AGO1: variants seen among roughly 807,000 people sequenced by gnomAD.
AGO1 encodes the protein argonaute RISC component 1, also known as protein argonaute-1.
A neutral mutation model predicts 109.2 loss-of-function variants in AGO1; 11 were observed. The ratio of observed to expected loss-of-function variants is 0.10; its 90% CI spans 0.06 to 0.17. The LOEUF (loss-of-function observed/expected upper bound fraction) is 0.17, where lower values mean the gene tolerates loss of function less well. AGO1 is among the 10% of genes least tolerant of loss of function. The pLI is 1.00. For synonymous variants in AGO1, 422 were observed against 418.6 expected (o/e 1.01, Z -0.10); for missense variants, 574 against 1,140.3 (o/e 0.50, Z 7.15).
At chr1:35,878,892 G>A (rs2148704428), upstream of AGO1, among the ~76,000 whole-genome samples, 1 of 150,574 alleles carries the variant, frequency 6.6e-6, no homozygotes, top group South Asian at 2.1e-4. Context: ...TTTTTCCTCA[G>A]TTGTTTTTTT....
chr1:35,876,990 A>G (rs974030897), intron 1 of AGO1, among the ~76,000 whole-genome samples: 2 of 152,092 alleles, frequency 1.3e-5, no homozygotes, highest in African/African-American at 2.4e-5. Context: ...ATCTTACTCT[A>G]TTGCCTGTGC....
At chr1:35,915,887 G>C (rs1036439083) in intron 15 of AGO1, among the ~76,000 whole-genome samples, 7 of 152,232 alleles carry the variant, frequency 4.6e-5, no homozygotes, top group African/African-American at 1.7e-4. Context: ...TTCTGATTCA[G>C]TGAGTCTTGG....
chr1:35,899,674 T>C (rs1275227533), intron 8 of AGO1, among the ~76,000 whole-genome samples: 1 of 152,262 alleles, frequency 6.6e-6, no homozygotes, highest in Non-Finnish European at 1.5e-5. Flanking sequence ...CTCTGGAATA[T>C]GGAGTTTGAA....
chr1:35,888,120 G>A lies in AGO1; in HGVS notation c.26-307G>A, dbSNP rs1264185778. ...TCTACTAGAAGAAAGAAAGGGTTTT[G>A]TTACTAGGAGCCAGATTTAGTCTCT... On this transcript the variant is annotated intron_variant, in intron 1 of 18. Transcript: ENST00000373204. This position sits in a 1 kb window ranked among gnomAD's most constrained non-coding sequence, Gnocchi z 4.1. 1.3e-5 allele frequency among the ~76,000 whole-genome samples: 2 copies of A among 152,186 alleles called. No homozygotes were observed. The highest frequency in any genetic ancestry group is 2.4e-5 in the African/African-American group (1 of 41,444).
chr1:35,916,598 C>T (rs1253998341), intron 15 of AGO1, among the ~76,000 whole-genome samples: 1 of 152,182 alleles, frequency 6.6e-6, no homozygotes, highest in Non-Finnish European at 1.5e-5. Flanking sequence ...AAACTCCTGA[C>T]CTCAAATGAT....
intron 7 of AGO1, 57 bp from the exon 8 acceptor site, chr1:35,895,065 A>G: frequency 1.3e-6 from 2 of 1,546,020 alleles, no homozygotes; most frequent in Non-Finnish European, 1.7e-6. Context: ...GTGGGTCTAG[A>G]GAAGTGGGAC....
intron 12 of AGO1, among the ~76,000 whole-genome samples, chr1:35,911,342 A>G (rs2148721431): frequency 6.6e-6 from 1 of 152,340 alleles, no homozygotes; most frequent in Middle Eastern, 3.4e-3. Flanking sequence ...ATTCATATTT[A>G]GAATTAATTT....
rs1473618416 is a variant in AGO1 at position 35,901,604 on chromosome 1, C to T, written c.1140+11C>T. On this transcript the variant is annotated intron_variant, in intron 9 of 18. Transcript: ENST00000373204. This position sits in a 1 kb window ranked among gnomAD's most constrained non-coding sequence, Gnocchi z 4.8. ...GAGATCAGTCGCCTGGTCAGTGGGC[C>T]TACTCATTTGCTCAGTCATTGGGGC... 1 of 1,613,960 alleles carries T rather than the reference C, an allele frequency of 6.2e-7. No homozygotes were observed. Among genetic ancestry groups the T allele is most frequent in the African/African-American group, 1.3e-5 (1 of 74,924 alleles).
rs116344388 is a variant in AGO1, at chr1:35,916,882, A to G, written c.2029-711A>G. On this transcript the variant is annotated intron_variant, in intron 15 of 18. Coordinates refer to ENST00000373204, the MANE Select transcript of AGO1 (RefSeq NM_012199.5). ...AGTCTTCTTAATAGCTTTGTGAAGC[A>G]GGTCTTAGTAACATTAACAGACGTG... Among the ~76,000 whole-genome samples, 1,363 of 152,360 alleles carry G rather than the reference A, an allele frequency of 8.9e-3. 19 individuals carry two copies. Among genetic ancestry groups the G allele is most frequent in the African/African-American group, 0.03 (1,252 of 41,586 alleles).
chr1:35,881,665 T>G (rs1358013202), upstream of AGO1, among the ~76,000 whole-genome samples: 1 of 152,232 alleles, frequency 6.6e-6, no homozygotes, highest in East Asian at 1.9e-4. Context: ...TTCTGATGGT[T>G]GCTGTTTGAG....
At position 35,888,370 on chromosome 1, in the gene AGO1, A is replaced by T. The variant is rs569346330; in HGVS notation, c.26-57A>T. On this transcript the variant is annotated intron_variant, in intron 1 of 18. Coordinates refer to ENST00000373204, the MANE Select transcript of AGO1 (RefSeq NM_012199.5). The surrounding 1 kb of genome is among the most constrained non-coding windows in gnomAD (Gnocchi z 4.1). Reference sequence around the variant, plus strand: ...TCTGGGAGGCCTTGTTCCTCCTCTGATAAGAGTAGTTAGGAGATTGCCAGA... The same window carrying T: ...TCTGGGAGGCCTTGTTCCTCCTCTGTTAAGAGTAGTTAGGAGATTGCCAGA... The T allele has an allele frequency of 2.5e-6, 4 of 1,573,924 alleles. No individual in the cohort carries two copies. Among genetic ancestry groups the T allele is most frequent in the Admixed American group, 1.7e-5 (1 of 58,140 alleles).
upstream of AGO1, among the ~76,000 whole-genome samples, chr1:35,879,527 G>A (rs1254634238): frequency 1.3e-5 from 2 of 151,824 alleles, no homozygotes; most frequent in African/African-American, 4.8e-5. Context: ...GGAGGCCGAG[G>A]TGGGCGGATC....
chr1:35,918,914 T>C, intron 17 of AGO1, 141 bp from the exon 18 acceptor site: 2 of 763,330 alleles, frequency 2.6e-6, no homozygotes, highest in South Asian at 1.7e-5. Flanking sequence ...AGAAGAGTGC[T>C]TTATGACATT....
chr1:35,892,462 T>C, intron 2 of AGO1, 95 bp from the exon 3 acceptor site: 1 of 1,531,922 alleles, frequency 6.5e-7, no homozygotes, highest in Non-Finnish European at 9.0e-7. Flanking sequence ...GGAGTGAGTA[T>C]AATAGATGGG....
At chr1:35,912,388 G>T (rs1252186131) in intron 12 of AGO1, among the ~76,000 whole-genome samples, 4 of 143,900 alleles carry the variant, frequency 2.8e-5, no homozygotes, top group African/African-American at 1.0e-4. Flanking sequence ...AAAAAAGCAT[G>T]CCTTCAACTA....
rs1645993181 is a variant in AGO1, at chr1:35,929,426, A to G, written c.*9819A>G. 6.6e-6 allele frequency: 1 copy of G among 152,304 alleles called. No homozygotes were observed. The highest frequency in any genetic ancestry group is 2.4e-5 in the African/African-American group (1 of 41,560). The allele number at this position is 152,304 out of a possible 1,614,324, so 9.4% of individuals were successfully genotyped here. A position where few individuals can be genotyped will look rare whatever the true frequency, so the allele number is the denominator to read the frequency against. Reference sequence around the variant, plus strand: ...ACCCCAAAGGTTTATCACTGTCACCATGTCTAATGTCTATTCTGGAAGAAG... The same window carrying G: ...ACCCCAAAGGTTTATCACTGTCACCGTGTCTAATGTCTATTCTGGAAGAAG... On this transcript the variant is annotated 3_prime_UTR_variant, in exon 19 of 19. Coordinates refer to ENST00000373204, the MANE Select transcript of AGO1 (RefSeq NM_012199.5).
intron 1 of AGO1, chr1:35,873,889 A>G (rs1178237234): frequency 6.6e-6 from 1 of 152,180 alleles, no homozygotes; most frequent in African/African-American, 2.4e-5. Context: ...TGCACTTTGC[A>G]GATACTGTGT....
rs370393930 is a variant in AGO1, at chr1:35,918,402, G to C, written c.2244G>C (p.Leu748=). 4.0e-5 allele frequency: 64 copies of C among 1,613,998 alleles called. 1 individual carries two copies. In the East Asian group the frequency reaches 1.1e-3, roughly 28 times the overall value. ...ITHPFEFDFY[L]CSHAGIQGTS... ...ACCCATTTGAGTTTGACTTCTATCT[G>C]TGCAGCCACGCAGGCATCCAGGTAG... The change falls in exon 17 of 19, where the codon CTG becomes CTC. Residue 748 remains leucine, a synonymous_variant. Transcript: ENST00000373204.
At position 35,901,042 on chromosome 1, in the gene AGO1, C is replaced by T. The variant is rs1645406760; in HGVS notation, c.1021-432C>T. On this transcript the variant is annotated intron_variant, in intron 8 of 18. Coordinates refer to ENST00000373204, the MANE Select transcript of AGO1 (RefSeq NM_012199.5). The surrounding 1 kb of genome is among the most constrained non-coding windows in gnomAD (Gnocchi z 4.8). ...TGTCACCCAGGCTGGCGTTCAGTGG[C>T]GTGATCTGGGCTCACTGCAACCTCC... Among the ~76,000 whole-genome samples the T allele has an allele frequency of 6.7e-6, 1 of 148,600 alleles. No individual in the cohort carries two copies. The highest frequency in any genetic ancestry group is 1.5e-5 in the Non-Finnish European group (1 of 67,570).
Sources: gnomAD v4.1 joint callset for allele counts (sites outside exome capture counted in the v4.1 genomes callset) on GRCh38, gnomAD v4.1.1 for gene constraint, Gnocchi (gnomAD v3.1) non-coding constraint, MANE v1.5 for transcripts, NCBI Gene and HGNC (gene_info 2026-07-23, HGNC 2026-07-21) for gene names.